The following FBXL7 variants were observed in gnomAD, a reference collection of about 807,000 sequenced individuals.
The protein encoded by FBXL7 is F-box/LRR-repeat protein 7.
In FBXL7, 12 loss-of-function variants were observed where a neutral mutation model predicts 38.3. The ratio of observed to expected loss-of-function variants is 0.31; its 90% CI spans 0.20 to 0.51. The LOEUF is 0.51. Among genes scored for constraint, FBXL7 ranks in the 20% least tolerant of loss-of-function variants. The pLI is 0.98. For missense variants in FBXL7, 567 were observed against 676.4 expected (o/e 0.84, Z 1.79); for synonymous variants, 297 against 300.9 (o/e 0.99, Z 0.13).
intron 2 of FBXL7, among the ~76,000 whole-genome samples, chr5:15,804,604 G>GACC (rs1737656405): frequency 6.6e-6 from 1 of 152,190 alleles, no homozygotes; most frequent in Non-Finnish European, 1.5e-5. Flanking sequence ...CTAGGCCGCA[G>GACC]ACCAGTACCC....
chr5:15,897,569 A>G (rs183318500), intron 2 of FBXL7, among the ~76,000 whole-genome samples: 2 of 152,336 alleles, frequency 1.3e-5, no homozygotes, highest in East Asian at 3.9e-4. Context: ...GTCAGATGTG[A>G]AAAGATTTTA....
intron 2 of FBXL7, among the ~76,000 whole-genome samples, chr5:15,624,372 ATTTTAACTGT>A (rs1740741330): frequency 1.3e-5 from 2 of 152,162 alleles, no homozygotes; most frequent in African/African-American, 4.8e-5. Flanking sequence ...GAGAACAGAT[ATTTTAACTGT>A]TTTCCCATTT....
intron 1 of FBXL7, among the ~76,000 whole-genome samples, chr5:15,609,559 A>G (rs1740153386): frequency 6.6e-6 from 1 of 152,178 alleles, no homozygotes; most frequent in Admixed American, 6.5e-5. Context: ...TGTGCCTCCC[A>G]GTTGCCCCTG....
intron 2 of FBXL7, among the ~76,000 whole-genome samples, chr5:15,766,654 A>G (rs183947264): frequency 1.9e-3 from 289 of 152,350 alleles, no homozygotes; most frequent in Admixed American, 3.7e-3. Context: ...GACTTTCATT[A>G]TCTCTGGTAT....
intron 2 of FBXL7, among the ~76,000 whole-genome samples, chr5:15,690,830 C>T (rs545774776): frequency 5.3e-5 from 8 of 152,218 alleles, no homozygotes; most frequent in African/African-American, 1.9e-4. Flanking sequence ...GGTAGGTCAA[C>T]AGATGCTGGA....
chr5:15,655,224 G>A (rs1032453034), intron 2 of FBXL7, among the ~76,000 whole-genome samples: 2 of 152,118 alleles, frequency 1.3e-5, no homozygotes, highest in African/African-American at 2.4e-5. Flanking sequence ...GGCTGGGTGC[G>A]GTGGCTCACG....
At chr5:15,597,240 A>G (rs1739650543) in intron 1 of FBXL7, among the ~76,000 whole-genome samples, 1 of 152,156 alleles carries the variant, frequency 6.6e-6, no homozygotes, top group Non-Finnish European at 1.5e-5. Context: ...CCATCCGCAC[A>G]CATTTTGGTG....
intron 2 of FBXL7, among the ~76,000 whole-genome samples, chr5:15,900,602 A>AT (rs144134186): frequency 0.047 from 7,156 of 152,332 alleles, 550 homozygotes; most frequent in African/African-American, 0.16. Context: ...AAGGCAGCAT[A>AT]TAAAAACAAA....
chr5:15,810,861 A>G (rs544602484), intron 2 of FBXL7, among the ~76,000 whole-genome samples: 7 of 152,176 alleles, frequency 4.6e-5, no homozygotes, highest in Non-Finnish European at 8.8e-5. Context: ...TGTTTAGCAT[A>G]GTTCTTGGTT....
chr5:15,918,517 C>T (rs1452707645), intron 2 of FBXL7, among the ~76,000 whole-genome samples: 2 of 152,182 alleles, frequency 1.3e-5, no homozygotes, highest in East Asian at 1.9e-4. Context: ...GTGGCTTAAA[C>T]GTTTCCTTAG....
chr5:15,651,100 CTTT>C (rs1430797556), intron 2 of FBXL7, among the ~76,000 whole-genome samples: 2 of 128,320 alleles, frequency 1.6e-5, no homozygotes, highest in East Asian at 2.3e-4. Context: ...TTTTTTTTTT[CTTT>C]TTTTTTTTTT....
rs1742227383 is a variant in FBXL7, at chr5:15,937,389, AT to A, written c.*207del. Reference sequence around the variant, plus strand: ...GAAGCAAGACAAACAGCAAACAGGCATTTTGGTCAGGTCATTTGTAGGCAGT... The same window carrying A: ...GAAGCAAGACAAACAGCAAACAGGCATTTGGTCAGGTCATTTGTAGGCAGT... On this transcript the variant is annotated 3_prime_UTR_variant, in exon 4 of 4. Transcript: ENST00000504595. The A allele has an allele frequency of 3.1e-6, 2 of 638,648 alleles. No homozygotes were observed. The highest frequency in any genetic ancestry group is 3.1e-5 in the Admixed American group (1 of 32,264). The allele number at this position is 638,648 out of a possible 1,614,324, so 39.6% of individuals were successfully genotyped here.
chr5:15,642,913 C>T (rs1741413374), intron 2 of FBXL7, among the ~76,000 whole-genome samples: 1 of 152,172 alleles, frequency 6.6e-6, no homozygotes, highest in Non-Finnish European at 1.5e-5. Flanking sequence ...AAATTAAGTG[C>T]AAAACTCTAC....
intron 2 of FBXL7, among the ~76,000 whole-genome samples, chr5:15,648,852 T>C (rs566539923): frequency 6.6e-6 from 1 of 152,180 alleles, no homozygotes; most frequent in African/African-American, 2.4e-5. Flanking sequence ...TGTTTTATTG[T>C]CTCAGACTGT....
chr5:15,514,276 A>G (rs1034831156), intron 1 of FBXL7, among the ~76,000 whole-genome samples: 1 of 152,206 alleles, frequency 6.6e-6, no homozygotes, highest in Non-Finnish European at 1.5e-5. Context: ...TAATCTTGGG[A>G]TAGCTGTGTG....
At chr5:15,635,505 T>C (rs80341751) in intron 2 of FBXL7, among the ~76,000 whole-genome samples, 1,563 of 152,262 alleles carry the variant, frequency 0.01, 29 homozygotes, top group African/African-American at 0.036. Flanking sequence ...GAGAGGGAAT[T>C]GATGACCCTG....
chr5:15,832,926 C>T (rs570020980), intron 2 of FBXL7, among the ~76,000 whole-genome samples: 3 of 152,008 alleles, frequency 2.0e-5, no homozygotes, highest in East Asian at 1.9e-4. Context: ...ACCATAGGGG[C>T]GGGTCTTTCC....
chr5:15,709,648 G>A (rs1311844796), intron 2 of FBXL7, among the ~76,000 whole-genome samples: 3 of 151,710 alleles, frequency 2.0e-5, no homozygotes, highest in African/African-American at 2.4e-5. Context: ...CACCATGATC[G>A]TTCATCTTGA....
At chr5:15,796,694 A>G (rs144136289) in intron 2 of FBXL7, among the ~76,000 whole-genome samples, 1 of 152,334 alleles carries the variant, frequency 6.6e-6, no homozygotes, top group Non-Finnish European at 1.5e-5. Context: ...CAGAGCTTAC[A>G]GCACCTCAGC....
Sources: allele counts gnomAD v4.1 joint callset (sites outside exome capture counted in the v4.1 genomes callset), GRCh38; gene constraint gnomAD v4.1.1; transcripts MANE v1.5; gene names NCBI Gene and HGNC (gene_info 2026-07-23, HGNC 2026-07-21).